TMEM131L: variants seen among roughly 807,000 people sequenced by gnomAD.
TMEM131L encodes the protein transmembrane 131 like.
Under a neutral mutation model 192.2 loss-of-function variants are expected in TMEM131L, and 54 were observed. The ratio of observed to expected loss-of-function variants is 0.28; its 90% CI spans 0.23 to 0.35. The LOEUF is 0.35. Ranked by LOEUF, TMEM131L falls within the 10% of genes least tolerant of loss-of-function variation. The pLI, the probability that TMEM131L is intolerant of heterozygous loss-of-function variation, is 1.00. For synonymous variants in TMEM131L, 701 were observed against 704.9 expected, an observed-to-expected ratio of 0.99 and a Z score of 0.09; for missense variants, 1,888 against 1,972.9, an observed-to-expected ratio of 0.96 and a Z score of 0.82.
intron 31 of TMEM131L, among the ~76,000 whole-genome samples, chr4:153,629,929 C>A (rs1031971411): frequency 6.6e-6 from 1 of 152,180 alleles, no homozygotes; most frequent in African/African-American, 2.4e-5. Flanking sequence ...CTTTCTTTGA[C>A]CCAGACAACT....
chr4:153,504,258 C>A (rs748231092), intron 3 of TMEM131L, among the ~76,000 whole-genome samples: 107 of 115,122 alleles, frequency 9.3e-4, no homozygotes, highest in Admixed American at 1.2e-3. Flanking sequence ...TGAGCCACCG[C>A]GGTCGGCCTT....
chr4:153,565,552 C>T (rs1729134728), intron 7 of TMEM131L, among the ~76,000 whole-genome samples: 1 of 152,186 alleles, frequency 6.6e-6, no homozygotes, highest in Non-Finnish European at 1.5e-5. Flanking sequence ...GCAGTGCCAG[C>T]TCAGTATGCT....
At chr4:153,634,785 T>TA (rs1210876449) in intron 33 of TMEM131L, among the ~76,000 whole-genome samples, 1 of 152,126 alleles carries the variant, frequency 6.6e-6, no homozygotes, top group Non-Finnish European at 1.5e-5. Context: ...TCTGTAATAA[T>TA]AAAAAAATGA....
chr4:153,530,548 G>A (rs952027653), intron 3 of TMEM131L, among the ~76,000 whole-genome samples: 4 of 152,022 alleles, frequency 2.6e-5, no homozygotes, highest in Non-Finnish European at 5.9e-5. Flanking sequence ...TGAAGTTGAG[G>A]GTCTTCTGTC....
At chr4:153,600,774 GTTT>G (rs1731783963) in intron 21 of TMEM131L, among the ~76,000 whole-genome samples, 1 of 152,136 alleles carries the variant, frequency 6.6e-6, no homozygotes, top group East Asian at 1.9e-4. Context: ...ATTTTTGTTT[GTTT>G]GTTTTAGAAA....
Position 153,619,570 on chromosome 4 carries a change from A to G in TMEM131L, c.3568-1186A>G, listed in dbSNP as rs115106173. ...AAAAAATGTCATAATCCCACTGCCT[A>G]CGCAGTTACAAATCCCATTTTGCTT... On this transcript the variant is annotated intron_variant, in intron 26 of 34. Transcript: ENST00000409959. Among the ~76,000 whole-genome samples, 1,078 of 152,354 alleles carry G rather than the reference A, an allele frequency of 7.1e-3. 14 individuals are homozygous for G. The highest frequency in any genetic ancestry group is 0.025 in the African/African-American group (1,030 of 41,570).
chr4:153,593,756 C>A, intron 18 of TMEM131L, 43 bp from the exon 19 acceptor site: 2 of 1,239,872 alleles, frequency 1.6e-6, no homozygotes, highest in Non-Finnish European at 2.4e-6. Context: ...TCTTTACTGG[C>A]AGATGTGAGT....
chr4:153,485,121 TAAAA>T (rs768830957), intron 3 of TMEM131L, among the ~76,000 whole-genome samples: 4 of 106,884 alleles, frequency 3.7e-5, no homozygotes, highest in South Asian at 3.1e-4. Flanking sequence ...TCTGTCTCAT[TAAAA>T]AAAAAAAAAA....
At chr4:153,479,882 T>C (rs1731798737) in intron 3 of TMEM131L, among the ~76,000 whole-genome samples, 1 of 152,008 alleles carries the variant, frequency 6.6e-6, no homozygotes, top group Non-Finnish European at 1.5e-5. Flanking sequence ...CCACAGGGAG[T>C]GGAACTACTT....
intron 9 of TMEM131L, among the ~76,000 whole-genome samples, chr4:153,582,521 C>T (rs1268737688): frequency 2.1e-5 from 3 of 142,060 alleles, no homozygotes; most frequent in African/African-American, 2.6e-5. Flanking sequence ...TCAAGCATTC[C>T]TCCCCGCTTG....
At chr4:153,580,948 T>TAAATA (rs1211522124) in intron 8 of TMEM131L, 45 bp downstream of exon 8, 2 of 1,348,604 alleles carry the variant, frequency 1.5e-6, no homozygotes, top group East Asian at 4.6e-5. Context: ...TCCTCCTGCC[T>TAAATA]CTTTGCTTAA....
intron 7 of TMEM131L, among the ~76,000 whole-genome samples, 161 bp from the exon 8 acceptor site, chr4:153,580,665 G>A (rs9997122): frequency 0.13 from 19,840 of 152,100 alleles, 3,657 homozygotes; most frequent in African/African-American, 0.41. Flanking sequence ...TTACTGTTGT[G>A]TATCCACTAA....
In TMEM131L at chr4:153,466,423, C is replaced by A; in HGVS notation, c.26C>A (p.Pro9His). ...ATGGCGGGGCTCCGACGCCCGCAGC[C>A]CGGCTGCTACTGCCGCACCGCGGCG... MAGLRRPQ[P>H]GCYCRTAAAV... The change falls in exon 1 of 35, where the codon CCC becomes CAC. Residue 9 changes from proline to histidine, a missense_variant. Transcript: ENST00000409959. 1 of 1,386,186 alleles carries A rather than the reference C, an allele frequency of 7.2e-7. No homozygotes were observed. The allele number at this position is 1,386,186 out of a possible 1,614,324, so 85.9% of individuals were successfully genotyped here.
chr4:153,550,184 CTATT>C (rs1241806106), intron 4 of TMEM131L, 43 bp downstream of exon 4: 4 of 833,076 alleles, frequency 4.8e-6, no homozygotes, highest in Admixed American at 3.5e-5. Flanking sequence ...TTTATTTATA[CTATT>C]TATTTTCAGA....
At chr4:153,474,418 G>A (rs1342840605) in intron 3 of TMEM131L, among the ~76,000 whole-genome samples, 1 of 152,244 alleles carries the variant, frequency 6.6e-6, no homozygotes, top group Non-Finnish European at 1.5e-5. Flanking sequence ...GCTTTGGTCA[G>A]AGGGAATGGA....
intron 32 of TMEM131L, 141 bp downstream of exon 32, chr4:153,632,979 T>A: frequency 1.1e-6 from 1 of 908,810 alleles, no homozygotes; most frequent in Middle Eastern, 2.3e-4. Flanking sequence ...CGTTTCCTTC[T>A]GCCTTTTAGA....
At chr4:153,569,386 T>C (rs1729432189) in intron 7 of TMEM131L, among the ~76,000 whole-genome samples, 1 of 152,182 alleles carries the variant, frequency 6.6e-6, no homozygotes, top group Admixed American at 6.5e-5. Context: ...TGAGATGGAT[T>C]AGATAAATTC....
chr4:153,467,402 A>G, intron 2 of TMEM131L, 121 bp downstream of exon 2: 2 of 840,312 alleles, frequency 2.4e-6, no homozygotes, highest in Admixed American at 2.4e-5. Context: ...TTGCAAGGCA[A>G]ATAAACGTTA....
At chr4:153,522,378 G>C (rs778320685) in intron 3 of TMEM131L, among the ~76,000 whole-genome samples, 1 of 152,158 alleles carries the variant, frequency 6.6e-6, no homozygotes, top group Non-Finnish European at 1.5e-5. Flanking sequence ...TAAAAGGTGG[G>C]TGAGAAGCAG....
Sources: allele counts gnomAD v4.1 joint callset (sites outside exome capture counted in the v4.1 genomes callset), GRCh38; gene constraint gnomAD v4.1.1; transcripts MANE v1.5; gene names NCBI Gene and HGNC (gene_info 2026-07-23, HGNC 2026-07-21).